Variants in ANKMY1 observed in about 807,000 individuals in gnomAD.
The protein encoded by ANKMY1 is ankyrin repeat and MYND domain containing 1.
ANKMY1 carries 98 observed loss-of-function variants against 102.0 expected under a neutral mutation model. That is an observed-to-expected ratio of 0.96 (90% CI 0.82 to 1.14). ANKMY1 has a LOEUF of 1.14. Among genes scored for constraint, ANKMY1 ranks in the 50% most tolerant of loss-of-function variants. The pLI is 0.00. For missense variants in ANKMY1, 1,330 were observed against 1,347.6 expected (o/e 0.99, Z 0.20); for synonymous variants, 582 against 559.9 (o/e 1.04, Z -0.56).
chr2:240,478,730 T>A (rs1005294715), downstream of ANKMY1, among the ~76,000 whole-genome samples: 1 of 149,498 alleles, frequency 6.7e-6, no homozygotes, highest in Non-Finnish European at 1.5e-5. Context: ...GGAAAGTCAG[T>A]AAAAAAAAAA....
intron 15 of ANKMY1, among the ~76,000 whole-genome samples, chr2:240,494,767 T>C (rs1194307296): frequency 6.6e-6 from 1 of 152,064 alleles, no homozygotes; most frequent in African/African-American, 2.4e-5. Context: ...GGGGTTGTCT[T>C]GCCAGGATTG....
At chr2:240,528,639 G>A (rs2152418827) in intron 5 of ANKMY1, among the ~76,000 whole-genome samples, 1 of 152,186 alleles carries the variant, frequency 6.6e-6, no homozygotes, top group South Asian at 2.1e-4. Flanking sequence ...AGGGCCCAGG[G>A]CCAGGACTCA....
At chr2:240,557,141 C>G in intron 2 of ANKMY1, 49 bp downstream of exon 2, 3 of 1,400,960 alleles carry the variant, frequency 2.1e-6, no homozygotes, top group Non-Finnish European at 1.9e-6. Context: ...CCGGCTAACC[C>G]TGGGCCCCAG....
At chr2:240,516,443 A>G (rs1198016234) in intron 9 of ANKMY1, among the ~76,000 whole-genome samples, 1 of 152,228 alleles carries the variant, frequency 6.6e-6, no homozygotes, top group Non-Finnish European at 1.5e-5. Flanking sequence ...GGTTATATGT[A>G]TACAGATACG....
the ANKMY1 span, among the ~76,000 whole-genome samples, chr2:240,468,782 GCA>G: frequency 3.9e-5 from 6 of 152,196 alleles, no homozygotes. Flanking sequence ...GAGCGTGAGA[GCA>G]CAGAGGGGTG....
the ANKMY1 span, among the ~76,000 whole-genome samples, chr2:240,469,906 G>A: frequency 6.6e-6 from 1 of 152,072 alleles, no homozygotes; most frequent in Non-Finnish European, 1.5e-5. Context: ...ACATCCTCCT[G>A]CACATGCATG....
intron 13 of ANKMY1, among the ~76,000 whole-genome samples, chr2:240,502,868 G>A (rs911717602): frequency 4.4e-5 from 6 of 137,462 alleles, no homozygotes; most frequent in Non-Finnish European, 9.2e-5. Flanking sequence ...CATTGCCTCC[G>A]CCCTACACCC....
chr2:240,549,840 G>A (rs2125043693), intron 4 of ANKMY1, among the ~76,000 whole-genome samples: 1 of 152,100 alleles, frequency 6.6e-6, no homozygotes, highest in East Asian at 1.9e-4. Flanking sequence ...CAGTTAGAAT[G>A]GCAATCATTA....
intron 15 of ANKMY1, among the ~76,000 whole-genome samples, chr2:240,483,107 C>T (rs1430241688): frequency 6.6e-6 from 1 of 152,112 alleles, no homozygotes. Flanking sequence ...CTTGTGATTG[C>T]TGTTCCCATG....
upstream of ANKMY1, among the ~76,000 whole-genome samples, chr2:240,559,461 T>A (rs370568805): frequency 3.3e-5 from 5 of 152,284 alleles, no homozygotes; most frequent in East Asian, 7.7e-4. Flanking sequence ...CTTCATGGGT[T>A]ATTAGACACC....
At chr2:240,547,276 G>T (rs922379151) in intron 4 of ANKMY1, among the ~76,000 whole-genome samples, 19 of 152,094 alleles carry the variant, frequency 1.2e-4, no homozygotes, top group African/African-American at 4.6e-4. Flanking sequence ...GGTACATAAC[G>T]AAATGAAGGC....
intron 4 of ANKMY1, among the ~76,000 whole-genome samples, chr2:240,530,254 T>C (rs981422577): frequency 1.3e-5 from 2 of 152,172 alleles, no homozygotes; most frequent in African/African-American, 2.4e-5. Context: ...CGCATCTTCC[T>C]GAGATGGCAT....
chr2:240,516,203 T>C (rs1317615403), intron 9 of ANKMY1, among the ~76,000 whole-genome samples: 1 of 151,882 alleles, frequency 6.6e-6, no homozygotes, highest in African/African-American at 2.4e-5. Flanking sequence ...TTGGCAATTG[T>C]ATAGTGACCT....
intron 4 of ANKMY1, among the ~76,000 whole-genome samples, chr2:240,530,945 T>TAA (rs56890629): frequency 4.2e-5 from 6 of 142,684 alleles, no homozygotes; most frequent in Non-Finnish European, 6.1e-5. Flanking sequence ...TAAAATAAAG[T>TAA]AAAAAAAAAA....
chr2:240,482,078 G>T, intron 16 of ANKMY1, 105 bp downstream of exon 16: 1 of 1,289,924 alleles, frequency 7.8e-7, no homozygotes, highest in Non-Finnish European at 1.1e-6. Flanking sequence ...GGGGTCAGAT[G>T]GCATGGAGGC....
At chr2:240,560,840 C>A (rs1389040868), upstream of ANKMY1, 2 of 1,397,390 alleles carry the variant, frequency 1.4e-6, no homozygotes, top group South Asian at 1.6e-5. Context: ...TCAACGTCTC[C>A]CGCCAGCAGC....
At chr2:240,514,592 A>T (rs1372574162) in intron 9 of ANKMY1, among the ~76,000 whole-genome samples, 1 of 152,246 alleles carries the variant, frequency 6.6e-6, no homozygotes, top group Non-Finnish European at 1.5e-5. Context: ...CATTTTCAGT[A>T]ACATGAGGGC....
chr2:240,472,162 G>C, the ANKMY1 span, among the ~76,000 whole-genome samples: 1 of 152,190 alleles, frequency 6.6e-6, no homozygotes, highest in Non-Finnish European at 1.5e-5. Flanking sequence ...TCCTGGAGCG[G>C]TCCTGCCCAC....
intron 4 of ANKMY1, among the ~76,000 whole-genome samples, chr2:240,542,599 C>G (rs1338132734): frequency 1.3e-5 from 2 of 151,892 alleles, no homozygotes; most frequent in South Asian, 2.1e-4. Flanking sequence ...TAATAGAGTT[C>G]AGACATGTAA....
Sources: gnomAD v4.1 joint callset for allele counts (sites outside exome capture counted in the v4.1 genomes callset) on GRCh38, gnomAD v4.1.1 for gene constraint, MANE v1.5 for transcripts, NCBI Gene and HGNC (gene_info 2026-07-23, HGNC 2026-07-21) for gene names.